GDPD5: variants seen among roughly 807,000 people sequenced by gnomAD.
The protein encoded by GDPD5 is glycerophosphodiester phosphodiesterase domain containing 5.
GDPD5 carries 48 observed loss-of-function variants against 75.1 expected under a neutral mutation model. That is an observed-to-expected ratio of 0.64 (90% confidence interval 0.51 to 0.81). GDPD5 has a LOEUF of 0.81. Ranked by LOEUF, GDPD5 falls within the 40% of genes least tolerant of loss-of-function variation. GDPD5 has a pLI of 0.00. For missense variants in GDPD5, 706 were observed against 822.6 expected, an observed-to-expected ratio of 0.86 and a Z score of 1.73; for synonymous variants, 336 against 339.0, an observed-to-expected ratio of 0.99 and a Z score of 0.10.
intron 15 of GDPD5, chr11:75,437,306 TG>T: frequency 2.0e-6 from 1 of 503,064 alleles, no homozygotes; most frequent in Non-Finnish European, 3.5e-6. Flanking sequence ...GGACTAGGGT[TG>T]GTTAGTTCTG....
chr11:75,498,419 C>T (rs910250701), intron 1 of GDPD5, among the ~76,000 whole-genome samples: 39 of 152,166 alleles, frequency 2.6e-4, no homozygotes, highest in South Asian at 2.5e-3. Flanking sequence ...GGGGATGGGC[C>T]ACAGTGGCTT....
chr11:75,502,681 T>C (rs565748105), intron 1 of GDPD5, among the ~76,000 whole-genome samples: 2 of 152,336 alleles, frequency 1.3e-5, no homozygotes, highest in East Asian at 1.9e-4. Flanking sequence ...GAGGTGACAC[T>C]ACGGCACTTT....
chr11:75,496,197 C>T (rs1019171972), intron 1 of GDPD5, among the ~76,000 whole-genome samples: 22 of 152,208 alleles, frequency 1.4e-4, no homozygotes, highest in East Asian at 5.8e-4. Flanking sequence ...GCCTCTGCTG[C>T]GCCAGGCTAG....
chr11:75,458,179 C>A (rs1793411), intron 4 of GDPD5, among the ~76,000 whole-genome samples: 89,363 of 152,046 alleles, frequency 0.59, 27,111 homozygotes, highest in East Asian at 0.79. Flanking sequence ...GCTGGATTCA[C>A]ATCCCCTCTC....
intron 1 of GDPD5, among the ~76,000 whole-genome samples, chr11:75,497,953 T>C (rs1450126896): frequency 1.3e-5 from 2 of 152,180 alleles, no homozygotes; most frequent in Non-Finnish European, 2.9e-5. Context: ...ATCTCCTGAT[T>C]TTAGTTGAGC....
chr11:75,521,080 C>T (rs779272945), intron 1 of GDPD5, among the ~76,000 whole-genome samples: 7 of 152,204 alleles, frequency 4.6e-5, no homozygotes, highest in South Asian at 2.1e-4. Context: ...TCACGAAAGA[C>T]GATGTAGAAA....
chr11:75,458,929 T>C (rs900850696), intron 4 of GDPD5, among the ~76,000 whole-genome samples: 10 of 151,668 alleles, frequency 6.6e-5, no homozygotes, highest in Non-Finnish European at 1.5e-4. Context: ...CACCAAAATA[T>C]CGGGCTAATT....
chr11:75,513,275 C>T lies in GDPD5; in HGVS notation c.-145+11935G>A, dbSNP rs1261386001. Among the ~76,000 whole-genome samples the T allele has an allele frequency of 3.3e-5, 5 of 152,236 alleles. No individual in the cohort carries two copies. The East Asian group carries it at 9.6e-4, about 29-fold the overall frequency. ...ATGAAAACTATTACATGGCACCAGA[C>T]ACTGACCCAGCAGTTACAGATGTTC... On this transcript the variant is annotated intron_variant, in intron 1 of 16. Coordinates refer to ENST00000336898, the MANE Select transcript of GDPD5 (RefSeq NM_030792.8).
In GDPD5 at chr11:75,449,001, G is replaced by T. The variant is rs991574249; in HGVS notation, c.690C>A (p.Leu230=). 2.5e-6 allele frequency: 4 copies of T among 1,584,186 alleles called. No individual in the cohort carries two copies. Among genetic ancestry groups the T allele is most frequent in the Non-Finnish European group, 3.4e-6 (4 of 1,171,286 alleles). Reference sequence around the variant, plus strand: ...CCATGGGGGCCCCGCGGTGGCCAATGAGAGCAGGCTTGGGGCCGAGGTCTT... The same window carrying T: ...CCATGGGGGCCCCGCGGTGGCCAATTAGAGCAGGCTTGGGGCCGAGGTCTT... ...EKKDLGPKPA[L]IGHRGAPMLA... is the part of the protein sequence containing the mutation. Residue 230 remains leucine, a synonymous_variant, in exon 9 of 17, where the codon CTC becomes CTA. Coordinates refer to ENST00000336898, the MANE Select transcript of GDPD5 (RefSeq NM_030792.8).
chr11:75,502,593 T>C (rs893821072), intron 1 of GDPD5, among the ~76,000 whole-genome samples: 1 of 152,240 alleles, frequency 6.6e-6, no homozygotes, highest in Non-Finnish European at 1.5e-5. Flanking sequence ...TACAAAGTGA[T>C]GCTGACACCA....
intron 1 of GDPD5, among the ~76,000 whole-genome samples, chr11:75,503,798 G>C (rs1950340259): frequency 6.6e-6 from 1 of 152,212 alleles, no homozygotes; most frequent in African/African-American, 2.4e-5. Flanking sequence ...GCGATCAGAG[G>C]AGACTAGCAG....
chr11:75,522,361 C>T (rs1331446546), intron 1 of GDPD5, among the ~76,000 whole-genome samples: 1 of 152,190 alleles, frequency 6.6e-6, no homozygotes, highest in Non-Finnish European at 1.5e-5. Flanking sequence ...TCAGGACCCC[C>T]CGTCTTTGCA....
intron 1 of GDPD5, among the ~76,000 whole-genome samples, chr11:75,511,279 G>A (rs1171399369): frequency 6.6e-6 from 1 of 152,156 alleles, no homozygotes; most frequent in Non-Finnish European, 1.5e-5. Flanking sequence ...TCTGGCTGGG[G>A]GTTTCCTTGC....
chr11:75,452,361 G>A (rs571492169), intron 6 of GDPD5: 1 of 152,412 alleles, frequency 6.6e-6, no homozygotes, highest in African/African-American at 2.4e-5. Flanking sequence ...TACCTGGAAG[G>A]GGGTTGGGGA....
intron 1 of GDPD5, among the ~76,000 whole-genome samples, chr11:75,492,671 C>G (rs1950130586): frequency 1.3e-5 from 2 of 152,200 alleles, no homozygotes; most frequent in African/African-American, 4.8e-5. Flanking sequence ...ATGGACTGCA[C>G]TAAAAGACTG....
At chr11:75,457,652 T>G (rs777994611) in intron 5 of GDPD5, 41 bp downstream of exon 5, 7 of 1,566,656 alleles carry the variant, frequency 4.5e-6, no homozygotes, top group Non-Finnish European at 6.2e-6. Context: ...TCCCTTCCCC[T>G]GGGAGCAGGG....
chr11:75,437,998 G>C (rs1948670524), intron 15 of GDPD5: 1 of 152,248 alleles, frequency 6.6e-6, no homozygotes, highest in Admixed American at 6.6e-5. Flanking sequence ...GGGATGGAGA[G>C]AGCCAAGACT....
chr11:75,488,407 T>C (rs1277749847), intron 2 of GDPD5, among the ~76,000 whole-genome samples: 1 of 152,086 alleles, frequency 6.6e-6, no homozygotes, highest in Non-Finnish European at 1.5e-5. Flanking sequence ...TTCTGATGGC[T>C]CTTCCTAAGT....
rs1462123205 is a variant in GDPD5, at chr11:75,525,935, C to T, written c.-870G>A. The T allele has an allele frequency of 6.7e-6, 1 of 150,242 alleles. No individual in the cohort carries two copies. The highest frequency in any genetic ancestry group is 2.4e-5 in the African/African-American group (1 of 41,076). The allele number at this position is 150,242 out of a possible 1,614,324, so 9.3% of individuals were successfully genotyped here. On this transcript the variant is annotated 5_prime_UTR_variant, in exon 1 of 17. Coordinates refer to ENST00000336898, the MANE Select transcript of GDPD5 (RefSeq NM_030792.8). The stretch of plus-strand genomic sequence containing the variant: ...ACCCCCACCGGAGCCGCAGCCCGAG[C>T]TCAGCCGAAACAGCGCCGCCCAGCG...
Sources: gnomAD v4.1 joint callset for allele counts (sites outside exome capture counted in the v4.1 genomes callset) on GRCh38, gnomAD v4.1.1 for gene constraint, MANE v1.5 for transcripts, NCBI Gene and HGNC (gene_info 2026-07-23, HGNC 2026-07-21) for gene names.